Variants in HEXD observed in about 807,000 individuals in gnomAD.
HEXD encodes hexosaminidase D.
A neutral mutation model predicts 54.2 loss-of-function variants in HEXD; 47 were observed. That is an observed-to-expected ratio of 0.87 (90% CI 0.69 to 1.11). The LOEUF (loss-of-function observed/expected upper bound fraction) is 1.11. Among genes scored for constraint, HEXD ranks in the 50% least tolerant of loss-of-function variants. The probability of loss-of-function intolerance (pLI) is 0.00; values close to 1 mark genes in which losing one functional copy is unlikely to be tolerated. For synonymous variants in HEXD, 293 were observed against 287.6 expected (o/e 1.02, Z -0.19); for missense variants, 576 against 649.2 (o/e 0.89, Z 1.23).
In HEXD at chr17:82,442,452, G is replaced by GCAATACGGGCC; in HGVS notation, c.*71_*81dup. On this transcript the variant is annotated 3_prime_UTR_variant, in exon 13 of 13. Coordinates refer to ENST00000327949, the MANE Select transcript of HEXD (RefSeq NM_001330542.2). The surrounding 1 kb of genome is among the most constrained non-coding windows in gnomAD (Gnocchi z 6.8). ...GGCTCTGCACTGCCAAATGGCCTGG[G>GCAATACGGGCC]CAATACGGGCCCACGTGGGCGTCGT... 6.2e-7 allele frequency: 1 copy of GCAATACGGGCC among 1,609,564 alleles called. No homozygotes were observed. Among genetic ancestry groups the GCAATACGGGCC allele is most frequent in the East Asian group, 2.2e-5 (1 of 44,682 alleles).
intron 9 of HEXD, chr17:82,440,673 G>T: frequency 2.4e-6 from 1 of 416,726 alleles, no homozygotes; most frequent in Non-Finnish European, 4.3e-6. Context: ...GGCAAACTCT[G>T]CGTGAGCCCT....
intron 4 of HEXD, among the ~76,000 whole-genome samples, chr17:82,431,562 C>T (rs35431522): frequency 0.13 from 19,470 of 151,770 alleles, 1,603 homozygotes; most frequent in East Asian, 0.33. Flanking sequence ...TTACAGCGCC[C>T]GCCACCACAC....
Position 82,418,513 on chromosome 17 carries a change from G to T in HEXD, c.-279G>T. ...GACCAGGCCGCCGCGGAGCCGGGCC[G>T]GACGCGGGCGCCAGGCCCGGGGACG... is the stretch of plus-strand genomic sequence containing the variant. On this transcript the variant is annotated 5_prime_UTR_variant, in exon 1 of 13. Transcript: ENST00000327949. 7.7e-7 allele frequency: 1 copy of T among 1,297,266 alleles called. No homozygotes were observed. The highest frequency in any genetic ancestry group is 1.9e-5 in the South Asian group (1 of 52,276). 80.4% of individuals were successfully genotyped at this position (1,297,266 alleles called of 1,614,324 possible). A position where few individuals can be genotyped will look rare whatever the true frequency, so the allele number is the denominator to read the frequency against.
Position 82,435,750 on chromosome 17 carries a change from C to G in HEXD, c.509C>G (p.Thr170Arg). The G allele has an allele frequency of 6.2e-7, 1 of 1,613,016 alleles. No individual in the cohort carries two copies. The highest frequency in any genetic ancestry group is 8.5e-7 in the Non-Finnish European group (1 of 1,179,904). Residue 170 changes from threonine (T) to arginine (R), a missense_variant, in exon 6 of 13, where the codon ACG becomes AGG. By Grantham distance (71) the Thr-to-Arg change is moderately conservative. Transcript: ENST00000327949. ...RRWLQQEQNS[T>R]GKLCLSHMRA... The stretch of plus-strand genomic sequence containing the variant: ...TGGCTACAGCAAGAGCAGAACAGCA[C>G]GGGGAAGTTGTGCCTGTCACACATG...
intron 7 of HEXD, 105 bp downstream of exon 7, chr17:82,436,843 A>C: frequency 3.7e-6 from 4 of 1,082,942 alleles, no homozygotes; most frequent in Non-Finnish European, 4.0e-6. Flanking sequence ...TGGAGCCTGC[A>C]CGGGTAGAGG....
intron 4 of HEXD, among the ~76,000 whole-genome samples, chr17:82,433,128 A>ATATATATAT (rs71168109): frequency 7.7e-5 from 1 of 13,068 alleles, no homozygotes; most frequent in Non-Finnish European, 1.2e-4. Flanking sequence ...ATATATATAT[A>ATATATATAT]TTTTTTTTTT....
In HEXD at chr17:82,419,879, C is replaced by G; in HGVS notation, c.80C>G (p.Ser27Ter). ...KGAPPKVSYL[S>*]EIFPLFRALG... Reference sequence around the variant, plus strand: ...GCTCCACCAAAGGTCTCGTACCTCTCAGAGGTAAGGACTCCCTTTTACCTC... The same window carrying G: ...GCTCCACCAAAGGTCTCGTACCTCTGAGAGGTAAGGACTCCCTTTTACCTC... The change falls in exon 2 of 13, where the codon TCA becomes TGA. Residue 27 changes from serine (S) to a stop codon, truncating the protein, a stop_gained. Coordinates refer to ENST00000327949, the MANE Select transcript of HEXD (RefSeq NM_001330542.2). LOFTEE classifies it high-confidence loss of function. The G allele has an allele frequency of 1.9e-6, 3 of 1,591,204 alleles. No homozygotes were observed. The highest frequency in any genetic ancestry group is 2.6e-6 in the Non-Finnish European group (3 of 1,159,546).
At chr17:82,437,669 G>C (rs1202107612) in intron 8 of HEXD, among the ~76,000 whole-genome samples, 1 of 152,160 alleles carries the variant, frequency 6.6e-6, no homozygotes, top group Admixed American at 6.5e-5. Context: ...GCACGAGGAG[G>C]GGTTTCGGTT....
At position 82,419,767 on chromosome 17, in the gene HEXD, A is replaced by G; in HGVS notation, c.-33A>G. 7.1e-7 allele frequency: 1 copy of G among 1,413,598 alleles called. No homozygotes were observed. Among genetic ancestry groups the G allele is most frequent in the Non-Finnish European group, 1.0e-6 (1 of 1,000,578 alleles). 87.6% of individuals were successfully genotyped at this position (1,413,598 alleles called of 1,614,324 possible). A position where few individuals can be genotyped will look rare whatever the true frequency, so the allele number is the denominator to read the frequency against. On this transcript the variant is annotated 5_prime_UTR_variant, in exon 2 of 13. Coordinates refer to ENST00000327949, the MANE Select transcript of HEXD (RefSeq NM_001330542.2). Reference sequence around the variant, plus strand: ...CCACTAGGAAGAAGTCCCCAAGGAGACTTCGCCATAGGAGTTCACAGGAAA... The same window carrying G: ...CCACTAGGAAGAAGTCCCCAAGGAGGCTTCGCCATAGGAGTTCACAGGAAA...
Position 82,433,077 on chromosome 17 carries a change from G to GAAGAA in HEXD, c.283-579_283-578insGAAAA, listed in dbSNP as rs1420632605. Among the ~76,000 whole-genome samples, 21 of 7,834 alleles carry GAAGAA rather than the reference G, an allele frequency of 2.7e-3. 4 individuals are homozygous for GAAGAA. The highest frequency in any genetic ancestry group is 0.013 in the African/African-American group (17 of 1,348). 5.1% of individuals were successfully genotyped at this position (7,834 alleles called of 152,430 possible). On this transcript the variant is annotated intron_variant, in intron 4 of 12. Transcript: ENST00000327949. The stretch of plus-strand genomic sequence containing the variant: ...CAAGACTCCATCTCAAAAAAAAAAA[G>GAAGAA]AAAAAAAAAAAAAAATATATATATA...
At chr17:82,426,462 A>G (rs9914652) in intron 3 of HEXD, 73,099 of 151,946 alleles carry the variant, frequency 0.48, 19,285 homozygotes, top group East Asian at 0.9. Flanking sequence ...TCTGGAAAAC[A>G]GCAGGGGGCT....
At chr17:82,439,157 C>T (rs1285516110) in intron 8 of HEXD, among the ~76,000 whole-genome samples, 3 of 152,216 alleles carry the variant, frequency 2.0e-5, no homozygotes, top group Non-Finnish European at 4.4e-5. Context: ...CCTGATCTCT[C>T]GCCCTCCTCA....
Position 82,432,168 on chromosome 17 carries a change from C to T in HEXD, c.283-1490C>T, listed in dbSNP as rs559566572. ...CCCTTGCCACGGGGCTGTGTGTGGG[C>T]GGTGGGGGGTGCATCCCTAGGTTCG... On this transcript the variant is annotated intron_variant, in intron 4 of 12. Coordinates refer to ENST00000327949, the MANE Select transcript of HEXD (RefSeq NM_001330542.2). Among the ~76,000 whole-genome samples the T allele has an allele frequency of 2.8e-4, 42 of 152,302 alleles. 1 individual carries two copies. In the South Asian group the frequency reaches 6.2e-3, roughly 23 times the overall value.
intron 4 of HEXD, among the ~76,000 whole-genome samples, chr17:82,432,789 T>C (rs112736144): frequency 0.021 from 3,140 of 151,706 alleles, 85 homozygotes; most frequent in African/African-American, 0.063. Context: ...TATGGCTGGG[T>C]GCAGTGGCTC....
rs374145644 is a variant in HEXD, at chr17:82,441,836, G to A, written c.1200G>A (p.Gln400=). ...VTGWFSPYHR[Q]RKLIHPVMVQ... ...GCTGGTTCAGCCCCTACCACCGCCA[G>A]CGGAAGCTCATCCACCCGGTCATGG... Residue 400 remains glutamine, a synonymous_variant, in exon 12 of 13, where the codon CAG becomes CAA. Coordinates refer to ENST00000327949, the MANE Select transcript of HEXD (RefSeq NM_001330542.2). 2 of 1,613,040 alleles carry A rather than the reference G, an allele frequency of 1.2e-6. No individual in the cohort carries two copies. The highest frequency in any genetic ancestry group is 2.7e-5 in the African/African-American group (2 of 74,894).
intron 4 of HEXD, among the ~76,000 whole-genome samples, chr17:82,429,154 G>A (rs772150433): frequency 2.0e-5 from 3 of 152,092 alleles, no homozygotes; most frequent in Non-Finnish European, 4.4e-5. Flanking sequence ...CAGCTGCTCG[G>A]GAGGCTGGGG....
chr17:82,436,430 C>G (rs115265016), intron 6 of HEXD, among the ~76,000 whole-genome samples: 1,938 of 152,344 alleles, frequency 0.013, 48 homozygotes, highest in African/African-American at 0.045. Context: ...TCCAGCTGTG[C>G]CTGTGGCTCA....
chr17:82,435,022 G>A (rs1012684489), intron 5 of HEXD, among the ~76,000 whole-genome samples: 2 of 151,970 alleles, frequency 1.3e-5, no homozygotes, highest in African/African-American at 4.8e-5. Context: ...GTGGGCGCCT[G>A]TAATCCCAGC....
At position 82,442,202 on chromosome 17, in the gene HEXD, G is replaced by A. The variant is rs1048995251; in HGVS notation, c.1279G>A (p.Val427Met). 1.2e-5 allele frequency: 20 copies of A among 1,602,924 alleles called. No individual in the cohort carries two copies. Among genetic ancestry groups the A allele is most frequent in the East Asian group, 2.2e-5 (1 of 44,870 alleles). The change falls in exon 13 of 13, where the codon GTG becomes ATG. Residue 427 changes from valine to methionine, a missense_variant. Transcript: ENST00000327949. The surrounding 1 kb of genome is among the most constrained non-coding windows in gnomAD (Gnocchi z 6.8). ...CCTCCTGGCACAGTGGAGCACCCTC[G>A]TGCAGGAGCTGGAGGCTGCCCTGCA... Reference protein sequence around the residue: ...LSLLAQWSTLVQELEAALQLA... With the variant: ...LSLLAQWSTLMQELEAALQLA...
Sources: gnomAD v4.1 joint callset for allele counts (sites outside exome capture counted in the v4.1 genomes callset) on GRCh38, gnomAD v4.1.1 for gene constraint, Gnocchi (gnomAD v3.1) non-coding constraint, MANE v1.5 for transcripts, NCBI Gene and HGNC (gene_info 2026-07-23, HGNC 2026-07-21) for gene names.